The following ST6GALNAC3 variants were observed in gnomAD, a reference collection of about 807,000 sequenced individuals.
ST6GALNAC3 encodes the protein alpha-N-acetylgalactosaminide alpha-2,6-sialyltransferase 3.
A neutral mutation model predicts 32.7 loss-of-function variants in ST6GALNAC3; 25 were observed. The ratio of observed to expected loss-of-function variants is 0.76; its 90% CI spans 0.56 to 1.07. The LOEUF is 1.07. Among genes scored for constraint, ST6GALNAC3 ranks in the 50% least tolerant of loss-of-function variants. ST6GALNAC3 has a pLI of 0.00. For synonymous variants in ST6GALNAC3, 129 were observed against 133.1 expected (o/e 0.97, Z 0.21); for missense variants, 355 against 382.4 (o/e 0.93, Z 0.60).
intron 2 of ST6GALNAC3, among the ~76,000 whole-genome samples, chr1:76,357,801 G>A (rs1214962921): frequency 6.6e-6 from 1 of 152,120 alleles, no homozygotes. Flanking sequence ...ATTTTCAATG[G>A]CCTAGTTTTT....
At chr1:76,421,543 G>T (rs1655027627) in intron 3 of ST6GALNAC3, among the ~76,000 whole-genome samples, 1 of 151,900 alleles carries the variant, frequency 6.6e-6, no homozygotes, top group Non-Finnish European at 1.5e-5. Context: ...GCAAATATAA[G>T]CACCACCACA....
intron 2 of ST6GALNAC3, among the ~76,000 whole-genome samples, chr1:76,355,876 C>T (rs554170077): frequency 6.6e-6 from 1 of 152,212 alleles, no homozygotes; most frequent in South Asian, 2.1e-4. Flanking sequence ...GTCTCGCTTT[C>T]CCAGATGGTA....
intron 2 of ST6GALNAC3, among the ~76,000 whole-genome samples, chr1:76,322,621 A>T (rs908577955): frequency 7.9e-5 from 12 of 152,312 alleles, no homozygotes; most frequent in African/African-American, 2.9e-4. Flanking sequence ...GATGGCATCA[A>T]ATTGTGAGTT....
chr1:76,104,718 C>T (rs1647403305), intron 1 of ST6GALNAC3, among the ~76,000 whole-genome samples: 1 of 151,184 alleles, frequency 6.6e-6, no homozygotes, highest in African/African-American at 2.4e-5. Flanking sequence ...TTTCACACTA[C>T]TGATAAAGAC....
At chr1:76,085,986 C>T (rs1188521516) in intron 1 of ST6GALNAC3, among the ~76,000 whole-genome samples, 1 of 152,168 alleles carries the variant, frequency 6.6e-6, no homozygotes, top group Non-Finnish European at 1.5e-5. Context: ...AGGCTCAGGC[C>T]ACTATGCACA....
intron 3 of ST6GALNAC3, among the ~76,000 whole-genome samples, chr1:76,611,067 G>GTA (rs10646330): frequency 0.014 from 2,139 of 148,670 alleles, 30 homozygotes; most frequent in African/African-American, 0.042. Context: ...TCCAGGTGAG[G>GTA]TATATATATA....
chr1:76,338,464 C>T (rs1441261832), intron 2 of ST6GALNAC3, among the ~76,000 whole-genome samples: 4 of 152,164 alleles, frequency 2.6e-5, no homozygotes, highest in African/African-American at 9.7e-5. Context: ...ACACTTGATC[C>T]TCCAGAAGCT....
At chr1:76,466,318 C>A (rs1658626093) in intron 3 of ST6GALNAC3, among the ~76,000 whole-genome samples, 1 of 151,908 alleles carries the variant, frequency 6.6e-6, no homozygotes, top group Non-Finnish European at 1.5e-5. Flanking sequence ...TTGAGTGAAC[C>A]ATTTTATTTA....
chr1:76,573,841 G>C (rs1646753888), intron 3 of ST6GALNAC3, among the ~76,000 whole-genome samples: 1 of 149,102 alleles, frequency 6.7e-6, no homozygotes, highest in Middle Eastern at 3.4e-3. Context: ...GAATGGTCTG[G>C]TTCTTTGGGT....
intron 3 of ST6GALNAC3, among the ~76,000 whole-genome samples, chr1:76,457,340 C>A (rs1364157642): frequency 6.6e-6 from 1 of 152,072 alleles, no homozygotes; most frequent in Admixed American, 6.6e-5. Flanking sequence ...CTTCACGGAA[C>A]TGGAAAAAAC....
chr1:76,133,585 A>T (rs545358171), intron 1 of ST6GALNAC3, among the ~76,000 whole-genome samples: 48 of 152,378 alleles, frequency 3.2e-4, no homozygotes, highest in Middle Eastern at 3.4e-3. Context: ...AATTTCTGCC[A>T]GCTGGTTACC....
intron 3 of ST6GALNAC3, among the ~76,000 whole-genome samples, chr1:76,552,830 C>G (rs1286869106): frequency 1.3e-5 from 2 of 152,040 alleles, no homozygotes; most frequent in Non-Finnish European, 2.9e-5. Context: ...CTAATGGTAA[C>G]TTTATGTTGC....
chr1:76,530,340 G>A (rs780208021), intron 3 of ST6GALNAC3, among the ~76,000 whole-genome samples: 1 of 152,110 alleles, frequency 6.6e-6, no homozygotes, highest in Non-Finnish European at 1.5e-5. Context: ...CTGACCTGAG[G>A]CCCCCTCTGA....
chr1:76,525,791 G>GTGTGTATATATATATATATA (rs1438917629), intron 3 of ST6GALNAC3, among the ~76,000 whole-genome samples: 24 of 75,570 alleles, frequency 3.2e-4, no homozygotes, highest in Non-Finnish European at 6.0e-4. Context: ...GTGTGTGTGT[G>GTGTGTATATATATATATATA]TATATATATA....
At chr1:76,342,803 G>A (rs1648163900) in intron 2 of ST6GALNAC3, among the ~76,000 whole-genome samples, 2 of 151,722 alleles carry the variant, frequency 1.3e-5, no homozygotes, top group African/African-American at 4.8e-5. Context: ...TTGTAGTTTT[G>A]ATTTGCATCT....
intron 3 of ST6GALNAC3, among the ~76,000 whole-genome samples, chr1:76,580,623 T>G (rs2100544812): frequency 6.6e-6 from 1 of 152,234 alleles, no homozygotes; most frequent in South Asian, 2.1e-4. Flanking sequence ...TGCTGTACTC[T>G]TTTTGTGTCT....
intron 3 of ST6GALNAC3, among the ~76,000 whole-genome samples, chr1:76,556,489 C>A (rs1214005580): frequency 2.0e-5 from 3 of 152,060 alleles, no homozygotes; most frequent in Non-Finnish European, 4.4e-5. Context: ...TACCAGTTTA[C>A]ATTTCTACCA....
chr1:76,610,863 C>G (rs905718677), intron 3 of ST6GALNAC3, among the ~76,000 whole-genome samples: 5 of 152,090 alleles, frequency 3.3e-5, no homozygotes, highest in Non-Finnish European at 7.4e-5. Flanking sequence ...GGGGATTACT[C>G]CACATTAAAA....
chr1:76,496,934 AGC>A (rs1404471542), intron 3 of ST6GALNAC3, among the ~76,000 whole-genome samples: 6 of 152,156 alleles, frequency 3.9e-5, no homozygotes, highest in African/African-American at 1.4e-4. Context: ...CTTTGTCCAA[AGC>A]TGGGGCCATT....
Sources: allele counts gnomAD v4.1 joint callset (sites outside exome capture counted in the v4.1 genomes callset), GRCh38; gene constraint gnomAD v4.1.1; transcripts MANE v1.5; gene names NCBI Gene and HGNC (gene_info 2026-07-23, HGNC 2026-07-21).